Variants in SLC18A2 observed in about 807,000 individuals in gnomAD.
SLC18A2 encodes synaptic vesicular amine transporter.
A neutral mutation model predicts 59.2 loss-of-function variants in SLC18A2; 33 were observed. The ratio of observed to expected loss-of-function variants is 0.56; its 90% CI spans 0.42 to 0.75. The LOEUF (loss-of-function observed/expected upper bound fraction) is 0.75. SLC18A2 is among the 30% of genes least tolerant of loss of function. SLC18A2 has a pLI of 0.00. For missense variants in SLC18A2, 569 were observed against 668.6 expected, an observed-to-expected ratio of 0.85 and a Z score of 1.64; for synonymous variants, 228 against 253.5, an observed-to-expected ratio of 0.90 and a Z score of 0.95.
chr10:117,241,586 G>A, intron 1 of SLC18A2, 93 bp from the exon 2 acceptor site: 3 of 1,314,022 alleles, frequency 2.3e-6, no homozygotes, highest in Non-Finnish European at 2.9e-6. Flanking sequence ...GCCGGTGCGC[G>A]CGGCTCCCTG....
Position 117,244,110 on chromosome 10 carries a change from G to A in SLC18A2, c.261G>A (p.Met87Ile), listed in dbSNP as rs1327727470. Residue 87 changes from methionine to isoleucine, a missense_variant, in exon 3 of 16, where the codon ATG (methionine) becomes ATA (isoleucine). Physicochemically the swap from Met to Ile is conservative, Grantham distance 10 (BLOSUM62 1). Coordinates refer to ENST00000644641, the MANE Select transcript of SLC18A2 (RefSeq NM_003054.6). ...SIFSYYDNST[M>I]VTGNATRDLT... The stretch of plus-strand genomic sequence containing the variant: ...TCTCCTATTATGATAACTCGACTAT[G>A]GTCACCGGGAATGCTACCAGAGACC... 3 of 1,614,044 alleles carry A rather than the reference G, an allele frequency of 1.9e-6. No individual in the cohort carries two copies. Among genetic ancestry groups the A allele is most frequent in the African/African-American group, 2.7e-5 (2 of 74,922 alleles).
chr10:117,265,763 G>T (rs1844340170), intron 10 of SLC18A2, among the ~76,000 whole-genome samples: 1 of 152,132 alleles, frequency 6.6e-6, no homozygotes, highest in Non-Finnish European at 1.5e-5. Context: ...GAACCTGGGG[G>T]ATGCAGGTGT....
intron 10 of SLC18A2, among the ~76,000 whole-genome samples, chr10:117,264,356 A>G (rs1844325607): frequency 6.6e-6 from 1 of 152,176 alleles, no homozygotes. Context: ...CATGCCTGTA[A>G]TCCTAGCACT....
intron 9 of SLC18A2, among the ~76,000 whole-genome samples, chr10:117,256,736 C>T (rs750490501): frequency 6.6e-6 from 1 of 152,136 alleles, no homozygotes; most frequent in Non-Finnish European, 1.5e-5. Flanking sequence ...AGGGGGCATC[C>T]CAGAGCTCAG....
intron 3 of SLC18A2, among the ~76,000 whole-genome samples, chr10:117,247,440 C>T (rs974991879): frequency 4.6e-5 from 7 of 152,260 alleles, no homozygotes; most frequent in South Asian, 2.1e-4. Context: ...CCACATGTTC[C>T]GACTGTCCCA....
In SLC18A2 at chr10:117,269,567, CCTCT is replaced by C. The variant is rs1030177423; in HGVS notation, c.1187-501_1187-498del. On this transcript the variant is annotated intron_variant, in intron 13 of 15. Coordinates refer to ENST00000644641, the MANE Select transcript of SLC18A2 (RefSeq NM_003054.6). This position sits in a 1 kb window ranked among gnomAD's most constrained non-coding sequence, Gnocchi z 5.1. The stretch of plus-strand genomic sequence containing the variant: ...GCTCAGTGAGTGTGGTCAAGCCTCG[CCTCT>C]CTGAGTATTGGTTTCCTCATCTATA... Among the ~76,000 whole-genome samples, 2 of 152,130 alleles carry C rather than the reference CCTCT, an allele frequency of 1.3e-5. No homozygotes were observed. Among genetic ancestry groups the C allele is most frequent in the Non-Finnish European group, 2.9e-5 (2 of 68,032 alleles).
Position 117,269,007 on chromosome 10 carries a change from C to A in SLC18A2, c.1187-1064C>A, listed in dbSNP as rs1425133174. Among the ~76,000 whole-genome samples, 3 of 148,526 alleles carry A rather than the reference C, an allele frequency of 2.0e-5. No individual in the cohort carries two copies. In the East Asian group the frequency reaches 6.0e-4, roughly 30 times the overall value. On this transcript the variant is annotated intron_variant, in intron 13 of 15. Transcript: ENST00000644641. This position sits in a 1 kb window ranked among gnomAD's most constrained non-coding sequence, Gnocchi z 5.1. ...ACATTCATACACACAAACACACATA[C>A]ACACACTGACACACGCATACACACA...
chr10:117,279,017 T>C lies in SLC18A2; in HGVS notation c.*1751T>C, dbSNP rs363237. On this transcript the variant is annotated 3_prime_UTR_variant, in exon 16 of 16. Coordinates refer to ENST00000644641, the MANE Select transcript of SLC18A2 (RefSeq NM_003054.6). ...CCTGCCCCCAATACCATATACTTTATTGCAATTTTATTTTTGCCTTTACGG... is the reference window on the plus strand; with the variant it reads ...CCTGCCCCCAATACCATATACTTTACTGCAATTTTATTTTTGCCTTTACGG... 69,207 of 152,136 alleles carry C rather than the reference T, an allele frequency of 0.45. 16,477 individuals carry two copies. Among genetic ancestry groups the C allele is most frequent in the East Asian group, 0.54 (2,786 of 5,180 alleles). The allele number at this position is 152,136 out of a possible 1,614,324, so 9.4% of individuals were successfully genotyped here. A position where few individuals can be genotyped will look rare whatever the true frequency, so the allele number is the denominator to read the frequency against.
rs1450166005 is a variant in SLC18A2, at chr10:117,277,993, CCAAA to C, written c.*730_*733del. On this transcript the variant is annotated 3_prime_UTR_variant, in exon 16 of 16. Transcript: ENST00000644641. ...ATGTTCCGAAAGCAGAGAAAAGCAA[CCAAA>C]CATATTGTTATGAACTAAAAGCTTT... is the stretch of plus-strand genomic sequence containing the variant. The C allele has an allele frequency of 2.0e-5, 3 of 152,158 alleles. No homozygotes were observed. The highest frequency in any genetic ancestry group is 2.0e-4 in the Admixed American group (3 of 15,270). 9.4% of individuals were successfully genotyped at this position (152,158 alleles called of 1,614,324 possible). A position where few individuals can be genotyped will look rare whatever the true frequency, so the allele number is the denominator to read the frequency against.
Position 117,267,411 on chromosome 10 carries a change from C to T in SLC18A2, c.1123-262C>T, listed in dbSNP as rs542567648. On this transcript the variant is annotated intron_variant, in intron 12 of 15. Transcript: ENST00000644641. Reference sequence around the variant, plus strand: ...CCTCATGAGGCCTACTTGTTCTTGTCAAAACTTGAGGGTGGACTAGGCTGA... The same window carrying T: ...CCTCATGAGGCCTACTTGTTCTTGTTAAAACTTGAGGGTGGACTAGGCTGA... 9.1e-6 allele frequency: 4 copies of T among 440,982 alleles called. No homozygotes were observed. The South Asian group carries it at 1.8e-4, about 20-fold the overall frequency. 27.3% of individuals were successfully genotyped at this position (440,982 alleles called of 1,614,324 possible).
At chr10:117,242,415 G>A (rs542205291) in intron 2 of SLC18A2, among the ~76,000 whole-genome samples, 46 of 151,752 alleles carry the variant, frequency 3.0e-4, no homozygotes, top group Non-Finnish European at 4.9e-4. Context: ...CATTAACAGA[G>A]AAGTATTTGG....
chr10:117,247,994 G>A lies in SLC18A2; in HGVS notation c.464+3681G>A, dbSNP rs146317143. 2.6e-5 allele frequency among the ~76,000 whole-genome samples: 4 copies of A among 152,244 alleles called. No homozygotes were observed. The East Asian group carries it at 7.7e-4, about 29-fold the overall frequency. ...GTTTATTTATTTATTTATTTAGACA[G>A]GGTCTTGCTCTATTGCCCAGGCTGG... On this transcript the variant is annotated intron_variant, in intron 3 of 15. Transcript: ENST00000644641.
intron 3 of SLC18A2, among the ~76,000 whole-genome samples, chr10:117,247,441 G>C (rs1025279253): frequency 1.3e-5 from 2 of 152,140 alleles, no homozygotes; most frequent in Non-Finnish European, 2.9e-5. Flanking sequence ...CACATGTTCC[G>C]ACTGTCCCAT....
chr10:117,254,875 T>A (rs1199190448), intron 6 of SLC18A2, among the ~76,000 whole-genome samples: 1 of 152,228 alleles, frequency 6.6e-6, no homozygotes, highest in South Asian at 2.1e-4. Flanking sequence ...GGGACAAACA[T>A]CTTCCCTGAG....
At chr10:117,263,959 C>T (rs1718890521) in intron 10 of SLC18A2, among the ~76,000 whole-genome samples, 6 of 152,180 alleles carry the variant, frequency 3.9e-5, no homozygotes, top group Admixed American at 3.9e-4. Context: ...ACAGGGCAGA[C>T]CATTGCCCCT....
At chr10:117,241,880 C>G in intron 2 of SLC18A2, 66 bp downstream of exon 2, 1 of 1,471,882 alleles carries the variant, frequency 6.8e-7, no homozygotes, top group Non-Finnish European at 9.2e-7. Flanking sequence ...CGGCACTCCA[C>G]TTACCCCTGC....
Position 117,254,423 on chromosome 10 carries a change from G to C in SLC18A2, c.626G>C (p.Ser209Thr), listed in dbSNP as rs777586782. The change falls in exon 6 of 16, where the codon AGT becomes ACT. Residue 209 changes from serine (S) to threonine (T), a missense_variant. Coordinates refer to ENST00000644641, the MANE Select transcript of SLC18A2 (RefSeq NM_003054.6). ...SSVAGMGMLASVYTDDEERGN... is the reference protein window; with the variant it reads ...SSVAGMGMLATVYTDDEERGN... ...TGTGTAGGGATGGGCATGCTTGCCA[G>C]TGTCTACACAGATGATGAAGAGAGA... 3 of 1,603,104 alleles carry C rather than the reference G, an allele frequency of 1.9e-6. No individual in the cohort carries two copies. The African/African-American group carries it at 4.0e-5, about 22-fold the overall frequency.
Position 117,277,499 on chromosome 10 carries a change from A to C in SLC18A2, c.*233A>C. ...GTTGAAACTTTATTTTATGTATTTA[A>C]TTTTATTAAATATCATACAATATAT... On this transcript the variant is annotated 3_prime_UTR_variant, in exon 16 of 16. Coordinates refer to ENST00000644641, the MANE Select transcript of SLC18A2 (RefSeq NM_003054.6). The C allele has an allele frequency of 4.0e-6, 1 of 252,218 alleles. No individual in the cohort carries two copies. Among genetic ancestry groups the C allele is most frequent in the Non-Finnish European group, 7.5e-6 (1 of 133,656 alleles). The allele number at this position is 252,218 out of a possible 1,614,324, so 15.6% of individuals were successfully genotyped here. A position where few individuals can be genotyped will look rare whatever the true frequency, so the allele number is the denominator to read the frequency against.
intron 15 of SLC18A2, among the ~76,000 whole-genome samples, chr10:117,276,830 C>T (rs1317291365): frequency 6.6e-6 from 1 of 152,020 alleles, no homozygotes; most frequent in Non-Finnish European, 1.5e-5. Context: ...TCCAGGATCC[C>T]CATACCCCAA....
Sources: allele counts gnomAD v4.1 joint callset (sites outside exome capture counted in the v4.1 genomes callset), GRCh38; gene constraint gnomAD v4.1.1; non-coding constraint Gnocchi (gnomAD v3.1); transcripts MANE v1.5; gene names NCBI Gene and HGNC (gene_info 2026-07-23, HGNC 2026-07-21).